The following ARPC2 variants were observed in gnomAD, a reference collection of about 807,000 sequenced individuals.
ARPC2 encodes the protein actin related protein 2/3 complex subunit 2.
ARPC2 carries 4 observed loss-of-function variants against 38.6 expected under a neutral mutation model. The ratio of observed to expected loss-of-function variants is 0.10; its 90% CI spans 0.05 to 0.24. The LOEUF (loss-of-function observed/expected upper bound fraction) is 0.24. Ranked by LOEUF, ARPC2 falls within the 10% of genes least tolerant of loss-of-function variation. The pLI is 1.00. For missense variants in ARPC2, 229 were observed against 387.3 expected, an observed-to-expected ratio of 0.59 and a Z score of 3.43; for synonymous variants, 125 against 140.8, an observed-to-expected ratio of 0.89 and a Z score of 0.79.
chr2:218,223,874 C>T (rs1476561423), intron 2 of ARPC2, among the ~76,000 whole-genome samples: 1 of 152,080 alleles, frequency 6.6e-6, no homozygotes, highest in Non-Finnish European at 1.5e-5. Context: ...AATTTTAAAC[C>T]ACAGAAGTAA....
At chr2:218,243,861 GA>G (rs1430042272) in intron 7 of ARPC2, among the ~76,000 whole-genome samples, 1 of 152,194 alleles carries the variant, frequency 6.6e-6, no homozygotes, top group Non-Finnish European at 1.5e-5. Flanking sequence ...CAAAACTAAT[GA>G]GTGCTAATAA....
At chr2:218,237,523 A>ATTT (rs535177958) in intron 5 of ARPC2, among the ~76,000 whole-genome samples, 2 of 132,486 alleles carry the variant, frequency 1.5e-5, no homozygotes, top group Admixed American at 7.6e-5. Context: ...CCCACCACCA[A>ATTT]TTTTTTTTTT....
chr2:218,228,640 A>G (rs1339070761), intron 3 of ARPC2, 98 bp from the exon 4 acceptor site: 1 of 634,338 alleles, frequency 1.6e-6, no homozygotes, highest in Non-Finnish European at 2.8e-6. Context: ...ATGCCTCCTT[A>G]AAAGTGGTCT....
intron 7 of ARPC2, 105 bp from the exon 8 acceptor site, chr2:218,245,315 T>G (rs1441594280): frequency 7.0e-7 from 1 of 1,429,088 alleles, no homozygotes; most frequent in Non-Finnish European, 9.6e-7. Context: ...CCTGCTGGTC[T>G]GGAGGGCTAC....
intron 10 of ARPC2, among the ~76,000 whole-genome samples, chr2:218,251,412 C>T (rs568546836): frequency 1.3e-5 from 2 of 152,024 alleles, no homozygotes; most frequent in African/African-American, 4.8e-5. Flanking sequence ...CAGGGTTTCA[C>T]CATATTGGCC....
At position 218,217,210 on chromosome 2, in the gene ARPC2, G is replaced by A; in HGVS notation, c.-53G>A. ...GCTTGTCGGTGAAGCGGCAGTGGCG[G>A]CGGCGGCGGCGGCTCGGCAGGCGGG... On this transcript the variant is annotated 5_prime_UTR_variant, in exon 1 of 11. Coordinates refer to ENST00000315717, the MANE Select transcript of ARPC2 (RefSeq NM_152862.3). 2.2e-6 allele frequency: 1 copy of A among 457,382 alleles called. No individual in the cohort carries two copies. 28.3% of individuals were successfully genotyped at this position (457,382 alleles called of 1,614,324 possible). A position where few individuals can be genotyped will look rare whatever the true frequency, so the allele number is the denominator to read the frequency against.
chr2:218,246,889 A>G (rs1690049330), intron 8 of ARPC2, among the ~76,000 whole-genome samples: 1 of 152,180 alleles, frequency 6.6e-6, no homozygotes, highest in Non-Finnish European at 1.5e-5. Context: ...GAGGCATGGC[A>G]ATTGCTTAAA....
In ARPC2 at chr2:218,254,013, A is replaced by C; in HGVS notation, c.*98A>C. The C allele has an allele frequency of 6.6e-7, 1 of 1,524,858 alleles. No homozygotes were observed. The highest frequency in any genetic ancestry group is 9.0e-7 in the Non-Finnish European group (1 of 1,108,226). 94.5% of individuals were successfully genotyped at this position (1,524,858 alleles called of 1,614,324 possible). ...TAATGTTGCGCCTCTTCAGGTTCTT[A>C]AGGGATTCTCCGTTTTGGTTCCATT... On this transcript the variant is annotated 3_prime_UTR_variant, in exon 11 of 11. Coordinates refer to ENST00000315717, the MANE Select transcript of ARPC2 (RefSeq NM_152862.3).
At chr2:218,235,927 A>G (rs572257257) in intron 5 of ARPC2, 1 of 126,432 alleles carries the variant, frequency 7.9e-6, no homozygotes, top group Admixed American at 8.6e-5. Context: ...CTGTCTCTAT[A>G]AAAAATACAG....
At chr2:218,239,609 T>TTTC in intron 7 of ARPC2, 125 bp downstream of exon 7, 3 of 629,478 alleles carry the variant, frequency 4.8e-6, no homozygotes, top group Non-Finnish European at 8.1e-6. Flanking sequence ...TTTTTTTTTT[T>TTTC]CGAGACGGAG....
At chr2:218,250,875 G>C (rs1466503063) in intron 10 of ARPC2, among the ~76,000 whole-genome samples, 2 of 151,908 alleles carry the variant, frequency 1.3e-5, no homozygotes, top group African/African-American at 4.8e-5. Context: ...TTTTTGGTGG[G>C]GGTGTTGGGG....
At chr2:218,245,350 C>T in intron 7 of ARPC2, 70 bp from the exon 8 acceptor site, 1 of 1,602,574 alleles carries the variant, frequency 6.2e-7, no homozygotes, top group Non-Finnish European at 8.5e-7. Flanking sequence ...ATAGAACAAA[C>T]CCTATAGCTT....
chr2:218,232,794 T>C (rs1321724412), intron 4 of ARPC2, among the ~76,000 whole-genome samples: 2 of 151,980 alleles, frequency 1.3e-5, no homozygotes, highest in East Asian at 3.9e-4. Context: ...GCCAGGATGG[T>C]CTCAATCTCC....
At chr2:218,245,122 G>C (rs1010236187) in intron 7 of ARPC2, among the ~76,000 whole-genome samples, 3 of 152,230 alleles carry the variant, frequency 2.0e-5, no homozygotes, top group African/African-American at 7.2e-5. Flanking sequence ...CCAGAGCCCA[G>C]AGAAAGTATG....
intron 5 of ARPC2, 52 bp from the exon 6 acceptor site, chr2:218,238,612 T>TTTA: frequency 1.2e-6 from 1 of 823,470 alleles, no homozygotes; most frequent in Non-Finnish European, 1.8e-6. Flanking sequence ...TTTTTTTTTT[T>TTTA]AAATGTAACT....
At chr2:218,225,152 C>T (rs1027262878) in intron 2 of ARPC2, among the ~76,000 whole-genome samples, 1 of 152,036 alleles carries the variant, frequency 6.6e-6, no homozygotes, top group Non-Finnish European at 1.5e-5. Flanking sequence ...TTTTTATTCC[C>T]CCATTTTATT....
chr2:218,250,109 T>G (rs1690150157), intron 10 of ARPC2, among the ~76,000 whole-genome samples, 188 bp downstream of exon 10: 1 of 152,188 alleles, frequency 6.6e-6, no homozygotes, highest in African/African-American at 2.4e-5. Flanking sequence ...ATGGGTTTCC[T>G]TGTTTCCGTA....
intron 3 of ARPC2, among the ~76,000 whole-genome samples, chr2:218,227,772 TG>T (rs1314081905): frequency 2.0e-5 from 3 of 152,028 alleles, no homozygotes; most frequent in Admixed American, 6.5e-5. Flanking sequence ...TTGTAATTTT[TG>T]TAGAGACAGG....
At chr2:218,218,053 G>C (rs1354915853) in intron 2 of ARPC2, among the ~76,000 whole-genome samples, 1 of 152,144 alleles carries the variant, frequency 6.6e-6, no homozygotes, top group Non-Finnish European at 1.5e-5. Flanking sequence ...GAGCAGAAGA[G>C]AAGACTAAAA....
Sources: allele counts gnomAD v4.1 joint callset (sites outside exome capture counted in the v4.1 genomes callset), GRCh38; gene constraint gnomAD v4.1.1; transcripts MANE v1.5; gene names NCBI Gene and HGNC (gene_info 2026-07-23, HGNC 2026-07-21).